The following SH3KBP1 variants were observed in gnomAD, a reference collection of about 807,000 sequenced individuals.
The protein encoded by SH3KBP1 is SH3 domain containing kinase binding protein 1.
Under a neutral mutation model 50.1 loss-of-function variants are expected in SH3KBP1, and 8 were observed. The observed-to-expected ratio is 0.16, with a 90% CI of 0.09 to 0.29. SH3KBP1 has a LOEUF of 0.29. Among genes scored for constraint, SH3KBP1 ranks in the 10% least tolerant of loss-of-function variants. The pLI is 1.00. For synonymous variants in SH3KBP1, 227 were observed against 218.6 expected (o/e 1.04, Z -0.34); for missense variants, 377 against 535.2 (o/e 0.70, Z 2.92).
chrX:19,708,725 T>C (rs924825081), intron 3 of SH3KBP1, among the ~76,000 whole-genome samples: 4 of 111,948 alleles, frequency 3.6e-5, no homozygotes, highest in East Asian at 2.8e-4. Context: ...ACTGGCCCCA[T>C]AGATGCTTCT....
At chrX:19,764,728 G>T (rs1490107609) in intron 2 of SH3KBP1, among the ~76,000 whole-genome samples, 2 of 110,549 alleles carry the variant, frequency 1.8e-5, no homozygotes, top group African/African-American at 6.6e-5. Flanking sequence ...TATGTCGGGG[G>T]TAGTGTTAAA....
chrX:19,841,359 C>G (rs918400141), intron 1 of SH3KBP1, among the ~76,000 whole-genome samples: 1 of 112,510 alleles, frequency 8.9e-6, no homozygotes, highest in African/African-American at 3.2e-5. Context: ...AGCATCCTGT[C>G]TGCTTCAATA....
At chrX:19,833,082 C>G (rs2067949953) in intron 2 of SH3KBP1, among the ~76,000 whole-genome samples, 1 of 112,066 alleles carries the variant, frequency 8.9e-6, no homozygotes, top group African/African-American at 3.2e-5. Flanking sequence ...GACCTACCCT[C>G]AAAACTGGAG....
At chrX:19,812,518 C>A (rs528114444) in intron 2 of SH3KBP1, among the ~76,000 whole-genome samples, 1 of 110,673 alleles carries the variant, frequency 9.0e-6, no homozygotes, top group African/African-American at 3.3e-5. Flanking sequence ...TAAAGATGTA[C>A]TGCCCATATG....
At chrX:19,794,931 G>A (rs886482012) in intron 2 of SH3KBP1, among the ~76,000 whole-genome samples, 2 of 111,346 alleles carry the variant, frequency 1.8e-5, no homozygotes, top group Non-Finnish European at 3.8e-5. Flanking sequence ...CAGTGAATAA[G>A]AGCTTATCTG....
intron 9 of SH3KBP1, among the ~76,000 whole-genome samples, chrX:19,596,501 T>C (rs1033860882): frequency 2.7e-5 from 3 of 111,994 alleles, no homozygotes; most frequent in African/African-American, 9.7e-5. Flanking sequence ...GGGGTGACTG[T>C]AGCAATTCCT....
At chrX:19,658,458 A>G (rs1249740439) in intron 6 of SH3KBP1, among the ~76,000 whole-genome samples, 1 of 112,573 alleles carries the variant, frequency 8.9e-6, no homozygotes, top group African/African-American at 3.2e-5. Flanking sequence ...TTCCCAAAGA[A>G]TAACATTTAT....
At chrX:19,537,108 T>A in intron 17 of SH3KBP1, among the ~76,000 whole-genome samples, 1 of 111,002 alleles carries the variant, frequency 9.0e-6, no homozygotes, top group Admixed American at 9.5e-5. Flanking sequence ...TGACCACATA[T>A]AATGAGGCCT....
At chrX:19,595,431 A>T (rs1029227374) in intron 9 of SH3KBP1, among the ~76,000 whole-genome samples, 1 of 112,394 alleles carries the variant, frequency 8.9e-6, no homozygotes, top group Non-Finnish European at 1.9e-5. Flanking sequence ...TCTCAACAAA[A>T]TGCAGGCTGA....
chrX:19,595,560 G>C, intron 9 of SH3KBP1, among the ~76,000 whole-genome samples: 1 of 111,086 alleles, frequency 9.0e-6, no homozygotes, highest in East Asian at 2.8e-4. Context: ...GGAACAGAGA[G>C]GGATTTTTTT....
At chrX:19,785,294 G>C (rs970069822) in intron 2 of SH3KBP1, among the ~76,000 whole-genome samples, 1 of 108,746 alleles carries the variant, frequency 9.2e-6, no homozygotes, top group African/African-American at 3.4e-5. Context: ...GAGGTGAGCG[G>C]ACTGCTTGAG....
intron 6 of SH3KBP1, among the ~76,000 whole-genome samples, chrX:19,682,033 T>G (rs769757885): frequency 6.3e-4 from 70 of 110,775 alleles, no homozygotes; most frequent in African/African-American, 2.3e-3. Flanking sequence ...TGAGGGTTTC[T>G]GTCCTGAGCG....
chrX:19,643,977 G>A (rs2061931409), intron 7 of SH3KBP1, among the ~76,000 whole-genome samples: 1 of 111,939 alleles, frequency 8.9e-6, no homozygotes, highest in Non-Finnish European at 1.9e-5. Context: ...CCACTCTTTT[G>A]AGTAACCCAT....
At chrX:19,783,350 T>G (rs2066242360) in intron 2 of SH3KBP1, among the ~76,000 whole-genome samples, 1 of 112,219 alleles carries the variant, frequency 8.9e-6, no homozygotes, top group Non-Finnish European at 1.9e-5. Flanking sequence ...AATGATCAAA[T>G]CAGAATTAGC....
intron 5 of SH3KBP1, among the ~76,000 whole-genome samples, chrX:19,690,326 G>T (rs938433526): frequency 2.7e-5 from 3 of 111,222 alleles, no homozygotes; most frequent in Non-Finnish European, 5.7e-5. Context: ...CCAAAGTGCT[G>T]GGGTTACAGG....
chrX:19,878,505 T>TGAGAGA (rs57445899), intron 1 of SH3KBP1, among the ~76,000 whole-genome samples: 1 of 48,249 alleles, frequency 2.1e-5, no homozygotes, highest in African/African-American at 6.0e-5. Context: ...TGTGTGTGTG[T>TGAGAGA]GAGAGAGAGA....
At chrX:19,539,400 G>A (rs1024872763) in intron 16 of SH3KBP1, among the ~76,000 whole-genome samples, 1 of 111,895 alleles carries the variant, frequency 8.9e-6, no homozygotes, top group Non-Finnish European at 1.9e-5. Context: ...TGAACCAGTT[G>A]TGATTCATTA....
chrX:19,539,333 T>C (rs1423876612), intron 16 of SH3KBP1, among the ~76,000 whole-genome samples: 1 of 112,546 alleles, frequency 8.9e-6, no homozygotes, highest in Non-Finnish European at 1.9e-5. Context: ...GTCCCTATTC[T>C]CTGGGGCAGT....
intron 10 of SH3KBP1, among the ~76,000 whole-genome samples, chrX:19,592,675 T>A (rs1183399764): frequency 8.9e-6 from 1 of 111,994 alleles, no homozygotes; most frequent in Non-Finnish European, 1.9e-5. Context: ...CTTCAATCAG[T>A]GGCAGGAATG....
Sources: allele counts gnomAD v4.1 joint callset (sites outside exome capture counted in the v4.1 genomes callset), GRCh38; gene constraint gnomAD v4.1.1; transcripts MANE v1.5; gene names NCBI Gene and HGNC (gene_info 2026-07-23, HGNC 2026-07-21).